Variants in NRXN1 observed in about 807,000 individuals in gnomAD.
NRXN1 encodes the protein neurexin 1.
NRXN1 carries 39 observed loss-of-function variants against 150.9 expected under a neutral mutation model. The observed-to-expected ratio is 0.26, with a 90% CI of 0.20 to 0.34. The LOEUF (loss-of-function observed/expected upper bound fraction) is 0.34. NRXN1 is among the 10% of genes least tolerant of loss of function. The pLI is 1.00. For synonymous variants in NRXN1, 924 were observed against 757.0 expected (o/e 1.22, Z -3.62); for missense variants, 1,815 against 1,949.9 (o/e 0.93, Z 1.30).
chr2:50,351,026 T>A (rs908530836), intron 17 of NRXN1, among the ~76,000 whole-genome samples: 7 of 152,152 alleles, frequency 4.6e-5, no homozygotes, highest in African/African-American at 1.7e-4. Flanking sequence ...CTAGATAGTG[T>A]AGAAAAAGTA....
chr2:50,981,186 G>A (rs1461842016), intron 2 of NRXN1, among the ~76,000 whole-genome samples: 1 of 151,930 alleles, frequency 6.6e-6, no homozygotes, highest in Non-Finnish European at 1.5e-5. Context: ...TCTCGGCGTA[G>A]TGGCTCACAT....
At chr2:50,324,251 C>T (rs1031831210) in intron 17 of NRXN1, among the ~76,000 whole-genome samples, 1 of 152,094 alleles carries the variant, frequency 6.6e-6, no homozygotes, top group Admixed American at 6.5e-5. Flanking sequence ...GTGAAACACA[C>T]AGAAGGCAAA....
At chr2:50,175,509 C>G (rs1347166669) in intron 18 of NRXN1, among the ~76,000 whole-genome samples, 2 of 151,868 alleles carry the variant, frequency 1.3e-5, no homozygotes, top group Non-Finnish European at 2.9e-5. Context: ...CATTTGGTTT[C>G]CAATTTTTCT....
At position 50,425,298 on chromosome 2, in the gene NRXN1, T is replaced by C. The variant is rs146419071; in HGVS notation, c.3364+40144A>G. ...GTTTTGTTGCCTTTCAATCAATGTC[T>C]TCCCTGGAAGTACAAGCCTTTATTT... On this transcript the variant is annotated intron_variant, in intron 17 of 22. Transcript: ENST00000401669. Among the ~76,000 whole-genome samples the C allele has an allele frequency of 5.0e-3, 754 of 152,300 alleles. 4 individuals carry two copies. Among genetic ancestry groups the C allele is most frequent in the Non-Finnish European group, 5.9e-3 (399 of 68,018 alleles).
intron 15 of NRXN1, among the ~76,000 whole-genome samples, chr2:50,495,386 T>A (rs948560549): frequency 5.2e-5 from 7 of 134,704 alleles, no homozygotes; most frequent in Non-Finnish European, 1.1e-4. Flanking sequence ...GTGTGGTGTG[T>A]GTGTGTGTGT....
chr2:50,082,793 ATTAAC>A (rs1488232524), intron 19 of NRXN1, among the ~76,000 whole-genome samples: 1 of 152,142 alleles, frequency 6.6e-6, no homozygotes, highest in African/African-American at 2.4e-5. Context: ...TGCAAAAAGG[ATTAAC>A]TTAAGTGAGA....
intron 19 of NRXN1, among the ~76,000 whole-genome samples, chr2:50,090,495 G>A (rs1015335593): frequency 9.2e-5 from 14 of 152,104 alleles, no homozygotes; most frequent in South Asian, 2.1e-4. Flanking sequence ...TAATAGAGAC[G>A]ATAATGATTG....
intron 21 of NRXN1, among the ~76,000 whole-genome samples, chr2:50,010,369 A>G (rs1685456972): frequency 6.6e-6 from 1 of 152,148 alleles, no homozygotes; most frequent in African/African-American, 2.4e-5. Context: ...TGTATTCAAC[A>G]GGCTTCCTTG....
intron 5 of NRXN1, among the ~76,000 whole-genome samples, chr2:50,654,879 G>C (rs183706178): frequency 6.6e-6 from 1 of 152,076 alleles, no homozygotes; most frequent in Non-Finnish European, 1.5e-5. Flanking sequence ...AGCCAATATA[G>C]TGATTCCATT....
chr2:50,261,974 A>G (rs2068335510), intron 17 of NRXN1, among the ~76,000 whole-genome samples: 1 of 151,874 alleles, frequency 6.6e-6, no homozygotes, highest in Non-Finnish European at 1.5e-5. Flanking sequence ...GGTAATTTAT[A>G]TGGGCATCTC....
At chr2:50,289,959 G>A (rs1048863187) in intron 17 of NRXN1, among the ~76,000 whole-genome samples, 2 of 152,082 alleles carry the variant, frequency 1.3e-5, no homozygotes, top group Non-Finnish European at 1.5e-5. Flanking sequence ...CCCAGTTATT[G>A]TTAGCACTTA....
At chr2:50,284,341 C>A (rs943926335) in intron 17 of NRXN1, among the ~76,000 whole-genome samples, 2 of 152,320 alleles carry the variant, frequency 1.3e-5, no homozygotes, top group South Asian at 4.1e-4. Flanking sequence ...GTTCACTCAG[C>A]AAATGACAGT....
chr2:50,148,902 A>T (rs893408082), intron 18 of NRXN1, among the ~76,000 whole-genome samples: 1 of 151,778 alleles, frequency 6.6e-6, no homozygotes, highest in East Asian at 1.9e-4. Context: ...CACTGACAAC[A>T]TCTACATCTA....
intron 17 of NRXN1, among the ~76,000 whole-genome samples, chr2:50,381,528 C>T (rs555724120): frequency 3.7e-3 from 297 of 80,506 alleles, no homozygotes; most frequent in African/African-American, 0.03. Flanking sequence ...TTTAAACACA[C>T]ACACACACAC....
At chr2:50,705,698 C>G (rs552459067) in intron 5 of NRXN1, among the ~76,000 whole-genome samples, 3 of 152,164 alleles carry the variant, frequency 2.0e-5, no homozygotes, top group Admixed American at 6.5e-5. Flanking sequence ...CAGCTTCAAC[C>G]TCATTTTGAC....
intron 5 of NRXN1, among the ~76,000 whole-genome samples, chr2:50,893,847 G>A (rs1681478316): frequency 6.6e-6 from 1 of 152,122 alleles, no homozygotes; most frequent in Non-Finnish European, 1.5e-5. Flanking sequence ...GTGAGAATAT[G>A]CGGTGTTTGG....
intron 5 of NRXN1, among the ~76,000 whole-genome samples, chr2:50,700,209 A>C (rs1452007756): frequency 1.3e-5 from 2 of 152,186 alleles, no homozygotes; most frequent in Non-Finnish European, 2.9e-5. Flanking sequence ...AGTCATCTAA[A>C]CTGTTAGTAG....
chr2:50,000,360 A>G (rs1348673088), intron 21 of NRXN1, among the ~76,000 whole-genome samples: 2 of 152,196 alleles, frequency 1.3e-5, no homozygotes, highest in African/African-American at 4.8e-5. Flanking sequence ...ATAACTAGAG[A>G]TAATTCAAAT....
intron 18 of NRXN1, among the ~76,000 whole-genome samples, chr2:50,128,816 C>A (rs1227805223): frequency 6.6e-6 from 1 of 151,702 alleles, no homozygotes; most frequent in Non-Finnish European, 1.5e-5. Context: ...AACCACATCT[C>A]TATTAAAACT....
Sources: gnomAD v4.1 joint callset for allele counts (sites outside exome capture counted in the v4.1 genomes callset) on GRCh38, gnomAD v4.1.1 for gene constraint, MANE v1.5 for transcripts, NCBI Gene and HGNC (gene_info 2026-07-23, HGNC 2026-07-21) for gene names.